Variants in CFAP70 observed in about 807,000 individuals in gnomAD.
CFAP70 encodes cilia- and flagella-associated protein 70.
A neutral mutation model predicts 137.6 loss-of-function variants in CFAP70; 81 were observed. That is an observed-to-expected ratio of 0.59 (90% CI 0.49 to 0.71). CFAP70 has a LOEUF of 0.71. Among genes scored for constraint, CFAP70 ranks in the 30% least tolerant of loss-of-function variants. The pLI is 0.00. For synonymous variants in CFAP70, 382 were observed against 423.6 expected (o/e 0.90, Z 1.20); for missense variants, 976 against 1,226.7 (o/e 0.80, Z 3.05).
intron 12 of CFAP70, among the ~76,000 whole-genome samples, chr10:73,308,914 C>T (rs1434705792): frequency 6.6e-6 from 1 of 150,800 alleles, no homozygotes. Flanking sequence ...GTTCTCTACA[C>T]ATACACTAAA....
At chr10:73,341,255 A>G (rs1265646095) in intron 6 of CFAP70, 144 bp downstream of exon 7, 1 of 648,942 alleles carries the variant, frequency 1.5e-6, no homozygotes, top group Non-Finnish European at 2.5e-6. Context: ...AGATATTTGA[A>G]TCAGAATTAG....
At chr10:73,348,291 G>A in intron 4 of CFAP70, 56 bp from the exon 5 acceptor site, 8 of 1,581,762 alleles carry the variant, frequency 5.1e-6, no homozygotes, top group Non-Finnish European at 7.0e-6. Flanking sequence ...TGGGATGACT[G>A]CAGGCAGAGA....
chr10:73,263,654 T>C (rs1040190061), intron 25 of CFAP70, among the ~76,000 whole-genome samples: 34 of 152,260 alleles, frequency 2.2e-4, no homozygotes, highest in Admixed American at 1.8e-3. Context: ...AAGCTGCTTA[T>C]CTCAATACTT....
At chr10:73,345,667 T>C (rs1439316118) in intron 4 of CFAP70, among the ~76,000 whole-genome samples, 1 of 151,810 alleles carries the variant, frequency 6.6e-6, no homozygotes, top group Non-Finnish European at 1.5e-5. Context: ...TAGCCAGGCA[T>C]GGTGGTGCGC....
chr10:73,270,343 T>C (rs1476512113), intron 24 of CFAP70, among the ~76,000 whole-genome samples: 1 of 152,090 alleles, frequency 6.6e-6, no homozygotes, highest in Non-Finnish European at 1.5e-5. Flanking sequence ...TGTAAAACAT[T>C]CCAAAAGGCT....
intron 7 of CFAP70, among the ~76,000 whole-genome samples, chr10:73,333,895 C>G (rs1350847165): frequency 6.6e-6 from 1 of 152,032 alleles, no homozygotes; most frequent in Non-Finnish European, 1.5e-5. Context: ...ACTATTTGTT[C>G]AAGGTAATAA....
intron 4 of CFAP70, chr10:73,348,229 C>A (rs1261873753): frequency 1.2e-6 from 2 of 1,614,034 alleles, no homozygotes; most frequent in Non-Finnish European, 1.7e-6. Flanking sequence ...TTGAAATGAA[C>A]TCTGTCCTGC....
chr10:73,328,834 G>C (rs2051756974), intron 8 of CFAP70, among the ~76,000 whole-genome samples: 1 of 151,104 alleles, frequency 6.6e-6, no homozygotes, highest in Admixed American at 6.6e-5. Flanking sequence ...AAAAAGTCAG[G>C]AAACAACAGG....
chr10:73,323,222 A>T, intron 8 of CFAP70, 125 bp from the exon 10 acceptor site: 1 of 818,336 alleles, frequency 1.2e-6, no homozygotes, highest in Non-Finnish European at 1.7e-6. Flanking sequence ...CAGTTATGTG[A>T]CTTTGGGCCA....
At chr10:73,310,684 C>A (rs2049838409) in intron 11 of CFAP70, among the ~76,000 whole-genome samples, 1 of 152,170 alleles carries the variant, frequency 6.6e-6, no homozygotes. Context: ...ACAGCTCTAC[C>A]CAGATTTTTG....
rs1348502676 is a variant in CFAP70 at position 73,273,070 on chromosome 10, AT to A, written c.2836-54del. On this transcript the variant is annotated intron_variant, in intron 23 of 26. Transcript: ENST00000310715. ...CTGTTCTAGAAGCTTCAAACCCCAT[AT>A]TGCTGGGATGATCATGGGATCTCTG... The A allele has an allele frequency of 1.7e-5, 23 of 1,323,848 alleles. No individual in the cohort carries two copies. In the African/African-American group the frequency reaches 3.2e-4, roughly 19 times the overall value. 82.0% of individuals were successfully genotyped at this position (1,323,848 alleles called of 1,614,324 possible).
chr10:73,339,641 T>G (rs1403347596), intron 6 of CFAP70, among the ~76,000 whole-genome samples: 1 of 152,232 alleles, frequency 6.6e-6, no homozygotes, highest in African/African-American at 2.4e-5. Context: ...CTGGCCATTG[T>G]GCACAGCCAG....
intron 8 of CFAP70, among the ~76,000 whole-genome samples, chr10:73,330,029 T>C (rs1159621744): frequency 1.3e-5 from 2 of 152,200 alleles, no homozygotes; most frequent in South Asian, 2.1e-4. Context: ...AATGGTTGTA[T>C]GGTTTGCCAC....
chr10:73,346,560 T>C (rs1226688881), intron 4 of CFAP70, among the ~76,000 whole-genome samples: 2 of 151,870 alleles, frequency 1.3e-5, no homozygotes, highest in African/African-American at 4.8e-5. Context: ...GGAGAATCGC[T>C]TGAACTCATG....
chr10:73,314,652 G>A (rs951287855), intron 9 of CFAP70, among the ~76,000 whole-genome samples: 1 of 152,020 alleles, frequency 6.6e-6, no homozygotes, highest in Non-Finnish European at 1.5e-5. Context: ...CTGTCACCTA[G>A]ACTGGAATGC....
At chr10:73,332,167 T>C (rs901234200) in intron 7 of CFAP70, among the ~76,000 whole-genome samples, 1 of 152,102 alleles carries the variant, frequency 6.6e-6, no homozygotes, top group Non-Finnish European at 1.5e-5. Flanking sequence ...CTGGTAGAAA[T>C]AGTTTAATGA....
intron 19 of CFAP70, among the ~76,000 whole-genome samples, chr10:73,284,732 C>T (rs1283672298): frequency 5.1e-5 from 3 of 59,140 alleles, no homozygotes; most frequent in Non-Finnish European, 9.3e-5. Context: ...CCATATATGA[C>T]CTGCCACATA....
At chr10:73,298,772 A>G (rs2048721115) in intron 14 of CFAP70, 135 bp downstream of exon 15, 2 of 687,032 alleles carry the variant, frequency 2.9e-6, no homozygotes, top group Admixed American at 6.0e-5. Context: ...TCTATCATAG[A>G]GAACTTAGCT....
At chr10:73,354,511 C>T (rs2054521031) in intron 2 of CFAP70, among the ~76,000 whole-genome samples, 2 of 152,146 alleles carry the variant, frequency 1.3e-5, no homozygotes, top group South Asian at 4.1e-4. Context: ...ACTAAAACCA[C>T]TGTTTCTTTC....
Sources: allele counts gnomAD v4.1 joint callset (sites outside exome capture counted in the v4.1 genomes callset), GRCh38; gene constraint gnomAD v4.1.1; transcripts MANE v1.5; gene names NCBI Gene and HGNC (gene_info 2026-07-23, HGNC 2026-07-21).